The following GIMAP8 variants were observed in gnomAD, a reference collection of about 807,000 sequenced individuals.
GIMAP8 encodes the protein GTPase IMAP family member 8.
In GIMAP8, 29 loss-of-function variants were observed where a neutral mutation model predicts 35.6. That is an observed-to-expected ratio of 0.81 (90% CI 0.61 to 1.11). The LOEUF is 1.11. GIMAP8 is among the 50% of genes most tolerant of loss of function. The pLI is 0.00. For missense variants in GIMAP8, 811 were observed against 805.0 expected, an observed-to-expected ratio of 1.01 and a Z score of -0.09; for synonymous variants, 335 against 308.7, an observed-to-expected ratio of 1.09 and a Z score of -0.89.
chr7:150,461,080 G>A (rs913359187), intron 1 of GIMAP8, among the ~76,000 whole-genome samples: 1 of 152,250 alleles, frequency 6.6e-6, no homozygotes, highest in African/African-American at 2.4e-5. Flanking sequence ...ATTGGCTACT[G>A]ATACCTAAGC....
At chr7:150,453,960 A>G (rs1274525542) in intron 1 of GIMAP8, among the ~76,000 whole-genome samples, 1 of 152,012 alleles carries the variant, frequency 6.6e-6, no homozygotes, top group Non-Finnish European at 1.5e-5. Flanking sequence ...GCACAGAGGC[A>G]TGGACAGCTC....
At chr7:150,457,113 G>A (rs74594915) in intron 1 of GIMAP8, among the ~76,000 whole-genome samples, 2,883 of 152,266 alleles carry the variant, frequency 0.019, 90 homozygotes, top group African/African-American at 0.066. Context: ...CAGTAATCCC[G>A]TGATAAATAT....
intron 1 of GIMAP8, among the ~76,000 whole-genome samples, chr7:150,465,240 G>A (rs968143705): frequency 2.6e-5 from 4 of 152,142 alleles, no homozygotes; most frequent in African/African-American, 7.2e-5. Flanking sequence ...GGTGCTGTAC[G>A]AAGCTTTCAT....
In GIMAP8 at chr7:150,458,766, A is replaced by G. The variant is rs1801781530; in HGVS notation, c.-29+7591A>G. 2.6e-5 allele frequency among the ~76,000 whole-genome samples: 4 copies of G among 152,346 alleles called. 1 individual carries two copies. In the South Asian group the frequency reaches 8.3e-4, roughly 32 times the overall value. ...TTATCCTTCTCTTTGATATCCTGTA[A>G]CTTAAGTACTATGATGTAAAGTTAA... is the stretch of plus-strand genomic sequence containing the variant. On this transcript the variant is annotated intron_variant, in intron 1 of 4. Coordinates refer to ENST00000307271, the MANE Select transcript of GIMAP8 (RefSeq NM_175571.4).
Position 150,466,573 on chromosome 7 carries a change from C to T in GIMAP8, c.-28-98C>T, listed in dbSNP as rs977770641. 47 of 1,033,124 alleles carry T rather than the reference C, an allele frequency of 4.5e-5. 1 individual carries two copies. Among genetic ancestry groups the T allele is most frequent in the East Asian group, 2.0e-4 (8 of 40,280 alleles). The allele number at this position is 1,033,124 out of a possible 1,614,324, so 64.0% of individuals were successfully genotyped here. Reference sequence around the variant, plus strand: ...AACTTCAGTAGCTCAAATTCATTGGCGGCAATTTGAGTCAAAAAGAGAATG... The same window carrying T: ...AACTTCAGTAGCTCAAATTCATTGGTGGCAATTTGAGTCAAAAAGAGAATG... On this transcript the variant is annotated intron_variant, in intron 1 of 4. Coordinates refer to ENST00000307271, the MANE Select transcript of GIMAP8 (RefSeq NM_175571.4).
Position 150,454,430 on chromosome 7 carries a change from A to G in GIMAP8, c.-29+3255A>G, listed in dbSNP as rs148730729. Reference sequence around the variant, plus strand: ...CAAAGAGGAGCTGATGACCAGTTCAATCTGGAAAAGTTAGGAAAGGCTTGA... The same window carrying G: ...CAAAGAGGAGCTGATGACCAGTTCAGTCTGGAAAAGTTAGGAAAGGCTTGA... On this transcript the variant is annotated intron_variant, in intron 1 of 4. Transcript: ENST00000307271. Among the ~76,000 whole-genome samples, 1,357 of 152,312 alleles carry G rather than the reference A, an allele frequency of 8.9e-3. 23 individuals are homozygous for G. The highest frequency in any genetic ancestry group is 0.031 in the African/African-American group (1,288 of 41,544).
At chr7:150,467,462 T>C (rs1801994523) in intron 2 of GIMAP8, 128 bp downstream of exon 2, 2 of 762,472 alleles carry the variant, frequency 2.6e-6, no homozygotes, top group Admixed American at 2.9e-5. Context: ...GATATTTATA[T>C]ATAATTTGCA....
chr7:150,470,786 G>T, intron 2 of GIMAP8, 43 bp from the exon 3 acceptor site: 3 of 733,388 alleles, frequency 4.1e-6, no homozygotes, highest in East Asian at 6.1e-5. Flanking sequence ...TGGAAGATGA[G>T]GTTTTAGATC....
rs1300230807 is a variant in GIMAP8, at chr7:150,477,660, A to T, written c.1878A>T (p.Lys626Asn). Reference sequence around the variant, plus strand: ...TAACAAAGGTCAATGATCTGAGAAAAGAAAGTGGGTGGTCCGGGTATCCCC... The same window carrying T: ...TAACAAAGGTCAATGATCTGAGAAATGAAAGTGGGTGGTCCGGGTATCCCC... ...ALLTKVNDLR[K>N]ESGWSGYPHT... The change falls in exon 5 of 5, where the codon AAA becomes AAT. Residue 626 changes from lysine to asparagine, a missense_variant. Transcript: ENST00000307271. 1.2e-6 allele frequency: 2 copies of T among 1,614,242 alleles called. No homozygotes were observed. The highest frequency in any genetic ancestry group is 1.7e-6 in the Non-Finnish European group (2 of 1,180,040).
At position 150,474,037 on chromosome 7, in the gene GIMAP8, C is replaced by T; in HGVS notation, c.708C>T (p.Ser236=). The change falls in exon 4 of 5, where the codon TCC becomes TCT. Residue 236 remains serine, a synonymous_variant. Transcript: ENST00000307271. ...PQGPRERQLQ[S]TGPEQNPGTS... is the part of the protein sequence containing the mutation. ...GCCCAAGGGAAAGGCAGCTGCAGTCCACAGGACCCGAGCAGAATCCGGGGA... is the reference window on the plus strand; with the variant it reads ...GCCCAAGGGAAAGGCAGCTGCAGTCTACAGGACCCGAGCAGAATCCGGGGA... The T allele has an allele frequency of 1.2e-6, 2 of 1,613,798 alleles. No individual in the cohort carries two copies. Among genetic ancestry groups the T allele is most frequent in the Non-Finnish European group, 1.7e-6 (2 of 1,179,880 alleles).
chr7:150,466,778 G>C lies in GIMAP8; in HGVS notation c.80G>C (p.Gly27Ala). Reference protein sequence around the residue: ...GKCRSGKSATGNAILGKHVFK... With the variant: ...GKCRSGKSATANAILGKHVFK... The stretch of plus-strand genomic sequence containing the variant: ...TGCCGCTCGGGAAAAAGTGCCACAG[G>C]AAATGCCATTCTGGGCAAACATGTG... The change falls in exon 2 of 5, where the codon GGA (glycine) becomes GCA (alanine). Residue 27 changes from glycine to alanine, a missense_variant. Gly to Ala is a moderately conservative substitution (Grantham distance 60). Transcript: ENST00000307271. 1.9e-6 allele frequency: 3 copies of C among 1,614,244 alleles called. No homozygotes were observed. Among genetic ancestry groups the C allele is most frequent in the Admixed American group, 3.3e-5 (2 of 60,030 alleles).
At chr7:150,452,822 G>A (rs1443116330) in intron 1 of GIMAP8, among the ~76,000 whole-genome samples, 19 of 150,974 alleles carry the variant, frequency 1.3e-4, no homozygotes, top group Admixed American at 1.1e-3. Flanking sequence ...TCCTGATCTC[G>A]AGGGATCTAC....
chr7:150,477,062 T>A, intron 4 of GIMAP8, 30 bp from the exon 5 acceptor site: 1 of 1,556,958 alleles, frequency 6.4e-7, no homozygotes, highest in Non-Finnish European at 8.8e-7. Context: ...CAGCCCATGG[T>A]CACGAATCTT....
chr7:150,456,468 G>A (rs1801731995), intron 1 of GIMAP8, among the ~76,000 whole-genome samples: 1 of 152,104 alleles, frequency 6.6e-6, no homozygotes, highest in African/African-American at 2.4e-5. Context: ...TGTGACCTCT[G>A]CCTCTGTCCT....
chr7:150,464,508 C>T (rs1424823068), intron 1 of GIMAP8, among the ~76,000 whole-genome samples: 6 of 151,888 alleles, frequency 4.0e-5, no homozygotes. Flanking sequence ...ATAGAGAGAC[C>T]CCATCTCTAC....
At chr7:150,457,836 C>T (rs1198961813) in intron 1 of GIMAP8, among the ~76,000 whole-genome samples, 7 of 152,206 alleles carry the variant, frequency 4.6e-5, no homozygotes, top group Admixed American at 3.3e-4. Flanking sequence ...ATGCAGACAT[C>T]CTGAGGCCAA....
chr7:150,455,733 C>T (rs1801718089), intron 1 of GIMAP8, among the ~76,000 whole-genome samples: 1 of 152,218 alleles, frequency 6.6e-6, no homozygotes, highest in African/African-American at 2.4e-5. Flanking sequence ...ACATCTGGGG[C>T]AGGGTCTGAT....
At chr7:150,466,594 G>T (rs1479690340) in intron 1 of GIMAP8, 77 bp from the exon 2 acceptor site, 2 of 1,292,436 alleles carry the variant, frequency 1.5e-6, no homozygotes, top group Non-Finnish European at 2.1e-6. Context: ...GTCAAAAAGA[G>T]AATGTCTTTT....
rs1206279340 is a variant in GIMAP8, at chr7:150,474,439, G to T, written c.1110G>T (p.Gly370=). Residue 370 remains glycine, a synonymous_variant, in exon 4 of 5, where the codon GGG becomes GGT. Transcript: ENST00000307271. The stretch of plus-strand genomic sequence containing the variant: ...TTCTTACCAGGAAAGAAGATTTAGG[G>T]GATCAGGATCTAGATACGTTCTTAA... ...IILLTRKEDL[G]DQDLDTFLRN... is the part of the protein sequence containing the mutation. The T allele has an allele frequency of 2.5e-6, 4 of 1,613,512 alleles. No individual in the cohort carries two copies. Among genetic ancestry groups the T allele is most frequent in the South Asian group, 1.1e-5 (1 of 91,038 alleles).
Sources: allele counts gnomAD v4.1 joint callset (sites outside exome capture counted in the v4.1 genomes callset), GRCh38; gene constraint gnomAD v4.1.1; transcripts MANE v1.5; gene names NCBI Gene and HGNC (gene_info 2026-07-23, HGNC 2026-07-21).